Variants in ANO10 observed in about 807,000 individuals in gnomAD.
The protein encoded by ANO10 is anoctamin 10.
A neutral mutation model predicts 74.7 loss-of-function variants in ANO10; 77 were observed. That is an observed-to-expected ratio of 1.03 (90% CI 0.86 to 1.25). The LOEUF (loss-of-function observed/expected upper bound fraction) is 1.25, where lower values mean the gene tolerates loss of function less well. Among genes scored for constraint, ANO10 ranks in the 50% most tolerant of loss-of-function variants. The pLI is 0.00. For synonymous variants in ANO10, 279 were observed against 284.9 expected (o/e 0.98, Z 0.21); for missense variants, 721 against 778.1 (o/e 0.93, Z 0.87).
At chr3:43,495,841 A>G (rs527287790) in intron 11 of ANO10, among the ~76,000 whole-genome samples, 47 of 152,160 alleles carry the variant, frequency 3.1e-4, no homozygotes, top group African/African-American at 1.0e-3. Context: ...CTGGGACTAC[A>G]GGTGCCTGCC....
At position 43,576,788 on chromosome 3, in the gene ANO10, T is replaced by C. The variant is rs56389778; in HGVS notation, c.1066A>G (p.Ser356Gly). 0.056 allele frequency: 90,897 copies of C among 1,614,070 alleles called. 2,812 individuals carry two copies. The highest frequency in any genetic ancestry group is 0.069 in the African/African-American group (5,145 of 75,002). The change falls in exon 6 of 13, where the codon AGT becomes GGT. Residue 356 changes from serine (S) to glycine (G), a missense_variant. By Grantham distance (56) the Ser-to-Gly change is moderately conservative (BLOSUM62 0). Coordinates refer to ENST00000292246, the MANE Select transcript of ANO10 (RefSeq NM_018075.5). ...LHENSGSEWT[S>G]VLLYVPSIIY... ...ATGCTGGGCACATACAACAGGACAC[T>C]GGTCCACTCAGACCCGCTGTTCTCA...
chr3:43,501,082 T>C (rs1485053770), intron 11 of ANO10, among the ~76,000 whole-genome samples: 1 of 152,216 alleles, frequency 6.6e-6, no homozygotes, highest in Admixed American at 6.5e-5. Context: ...CTGGGTAATC[T>C]ATAAAGAAAA....
chr3:43,381,589 G>A (rs2125696528), intron 12 of ANO10, among the ~76,000 whole-genome samples: 1 of 152,246 alleles, frequency 6.6e-6, no homozygotes, highest in Non-Finnish European at 1.5e-5. Context: ...CTAGACCTAA[G>A]AAATGAAATA....
At chr3:43,458,069 A>G (rs2075215639) in intron 11 of ANO10, among the ~76,000 whole-genome samples, 1 of 152,186 alleles carries the variant, frequency 6.6e-6, no homozygotes, top group South Asian at 2.1e-4. Context: ...ACAACCACAT[A>G]TTGGAAAAGG....
chr3:43,605,593 T>C, intron 2 of ANO10, 121 bp downstream of exon 2: 1 of 1,332,528 alleles, frequency 7.5e-7, no homozygotes, highest in South Asian at 1.3e-5. Context: ...ATAAAATATA[T>C]CAACGAAAAT....
intron 12 of ANO10, among the ~76,000 whole-genome samples, chr3:43,422,034 CAT>C (rs1402683874): frequency 1.3e-5 from 2 of 152,216 alleles, no homozygotes; most frequent in African/African-American, 4.8e-5. Flanking sequence ...TGTTGACCAT[CAT>C]GGCAATGCAA....
intron 1 of ANO10, among the ~76,000 whole-genome samples, chr3:43,675,976 T>C (rs553021461): frequency 1.2e-4 from 18 of 152,342 alleles, no homozygotes; most frequent in African/African-American, 2.4e-4. Context: ...ATAAATGTTT[T>C]TGGCAGCTTT....
intron 12 of ANO10, among the ~76,000 whole-genome samples, chr3:43,395,920 G>C (rs1371809870): frequency 6.6e-6 from 1 of 152,150 alleles, no homozygotes; most frequent in Admixed American, 6.5e-5. Context: ...CTTTCCCACT[G>C]GGGTGCAAAA....
chr3:43,621,293 G>C (rs1398902645), intron 1 of ANO10, among the ~76,000 whole-genome samples: 3 of 152,168 alleles, frequency 2.0e-5, no homozygotes, highest in Non-Finnish European at 4.4e-5. Context: ...AGGTGTCCCA[G>C]GCACTAGCCA....
intron 1 of ANO10, among the ~76,000 whole-genome samples, chr3:43,632,072 CAAA>C (rs1160264969): frequency 1.7e-4 from 12 of 70,246 alleles, no homozygotes; most frequent in Non-Finnish European, 1.8e-4. Context: ...GACTCTGTCT[CAAA>C]AAAAAAAAAA....
chr3:43,675,213 T>G (rs2084108101), intron 1 of ANO10, among the ~76,000 whole-genome samples: 1 of 152,132 alleles, frequency 6.6e-6, no homozygotes, highest in Non-Finnish European at 1.5e-5. Flanking sequence ...ACATCTCACT[T>G]CCATAAAAAT....
chr3:43,542,848 T>G (rs1330343013), intron 11 of ANO10, among the ~76,000 whole-genome samples: 1 of 152,224 alleles, frequency 6.6e-6, no homozygotes, highest in African/African-American at 2.4e-5. Flanking sequence ...CTCAGCCCTG[T>G]GTTTGGCATT....
At chr3:43,448,848 G>C (rs1016528393) in intron 11 of ANO10, among the ~76,000 whole-genome samples, 11 of 148,398 alleles carry the variant, frequency 7.4e-5, no homozygotes, top group African/African-American at 2.7e-4. Flanking sequence ...TTTATGGATT[G>C]TTTTCTTTCT....
intron 1 of ANO10, among the ~76,000 whole-genome samples, chr3:43,647,712 C>T (rs1459342015): frequency 1.3e-5 from 2 of 152,120 alleles, no homozygotes; most frequent in African/African-American, 4.8e-5. Flanking sequence ...ATTCTAATTA[C>T]TTTTCAGCCA....
At chr3:43,447,564 G>A (rs2093266112) in intron 11 of ANO10, among the ~76,000 whole-genome samples, 1 of 152,190 alleles carries the variant, frequency 6.6e-6, no homozygotes, top group Admixed American at 6.5e-5. Flanking sequence ...AGGGATTGGA[G>A]AAAAGGGAAG....
intron 11 of ANO10, among the ~76,000 whole-genome samples, chr3:43,492,692 A>C (rs1475684234): frequency 6.6e-6 from 1 of 152,224 alleles, no homozygotes; most frequent in Non-Finnish European, 1.5e-5. Flanking sequence ...AAAAATGCTA[A>C]TCATCACTGG....
chr3:43,662,153 G>C (rs1027139191), intron 1 of ANO10, among the ~76,000 whole-genome samples: 1 of 152,106 alleles, frequency 6.6e-6, no homozygotes, highest in Non-Finnish European at 1.5e-5. Context: ...CACATAATTG[G>C]AAGTAAAACA....
At chr3:43,582,637 T>A (rs955441719) in intron 4 of ANO10, among the ~76,000 whole-genome samples, 2 of 152,160 alleles carry the variant, frequency 1.3e-5, no homozygotes, top group Admixed American at 1.3e-4. Context: ...AAAAAAAGAT[T>A]CTTCATATAT....
chr3:43,659,879 G>C (rs1575583080), intron 1 of ANO10, among the ~76,000 whole-genome samples: 1 of 152,326 alleles, frequency 6.6e-6, no homozygotes, highest in Admixed American at 6.5e-5. Flanking sequence ...AAAGCTTTAA[G>C]AGGAAGGATC....
Sources: allele counts gnomAD v4.1 joint callset (sites outside exome capture counted in the v4.1 genomes callset), GRCh38; gene constraint gnomAD v4.1.1; transcripts MANE v1.5; gene names NCBI Gene and HGNC (gene_info 2026-07-23, HGNC 2026-07-21).